The following TSPEAR variants were observed in gnomAD, a reference collection of about 807,000 sequenced individuals.
TSPEAR encodes the protein thrombospondin-type laminin G domain and EAR repeat-containing protein.
Under a neutral mutation model 71.6 loss-of-function variants are expected in TSPEAR, and 69 were observed. That is an observed-to-expected ratio of 0.96 (90% confidence interval 0.79 to 1.18). The LOEUF (loss-of-function observed/expected upper bound fraction) is 1.18, where lower values mean the gene tolerates loss of function less well. TSPEAR is among the 50% of genes most tolerant of loss of function. The pLI, the probability that TSPEAR is intolerant of heterozygous loss-of-function variation, is 0.00. For synonymous variants in TSPEAR, 402 were observed against 387.2 expected (o/e 1.04, Z -0.45); for missense variants, 971 against 894.9 (o/e 1.09, Z -1.09).
At chr21:44,527,938 C>G (rs11910822) in intron 6 of TSPEAR, among the ~76,000 whole-genome samples, 6,238 of 152,218 alleles carry the variant, frequency 0.041, 442 homozygotes, top group African/African-American at 0.14. Flanking sequence ...GCTGAGAAGG[C>G]TCTCTGTAAA....
intron 2 of TSPEAR, chr21:44,539,538 C>G (rs200992131): frequency 1.9e-6 from 3 of 1,612,712 alleles, no homozygotes; most frequent in Non-Finnish European, 2.5e-6. Flanking sequence ...GTGGAAGCCC[C>G]AGAGCAGACG....
chr21:44,598,777 G>A (rs1384539368), intron 1 of TSPEAR, among the ~76,000 whole-genome samples: 2 of 152,030 alleles, frequency 1.3e-5, no homozygotes, highest in African/African-American at 4.8e-5. Context: ...AGATCCTCCT[G>A]GTTCCTTCCT....
intron 1 of TSPEAR, among the ~76,000 whole-genome samples, chr21:44,634,916 G>C (rs1555936351): frequency 6.6e-6 from 1 of 152,154 alleles, no homozygotes; most frequent in African/African-American, 2.4e-5. Flanking sequence ...ATATAAAATG[G>C]TACAGATGCT....
intron 1 of TSPEAR, among the ~76,000 whole-genome samples, chr21:44,620,509 A>C (rs1466983181): frequency 1.3e-5 from 2 of 152,258 alleles, no homozygotes; most frequent in Non-Finnish European, 2.9e-5. Context: ...ACGTAAGGTC[A>C]GTAGTGATGT....
intron 2 of TSPEAR, among the ~76,000 whole-genome samples, chr21:44,535,055 G>A (rs2053064483): frequency 1.3e-5 from 2 of 152,122 alleles, no homozygotes; most frequent in African/African-American, 4.8e-5. Flanking sequence ...AGGTAGAATG[G>A]TAGGTGCCGG....
At chr21:44,558,563 G>C in intron 2 of TSPEAR, 1 of 1,613,224 alleles carries the variant, frequency 6.2e-7, no homozygotes, top group Non-Finnish European at 8.5e-7. Context: ...TGGACACACA[G>C]CTCACTGGGG....
intron 1 of TSPEAR, among the ~76,000 whole-genome samples, chr21:44,639,180 C>A (rs1453738786): frequency 2.0e-5 from 3 of 152,142 alleles, no homozygotes; most frequent in Non-Finnish European, 2.9e-5. Context: ...GGACTCTGAC[C>A]CCGAGGACCC....
At chr21:44,533,075 T>C (rs2053005426) in intron 3 of TSPEAR, among the ~76,000 whole-genome samples, 1 of 152,132 alleles carries the variant, frequency 6.6e-6, no homozygotes, top group Non-Finnish European at 1.5e-5. Flanking sequence ...GGAAAAGGAG[T>C]GCGCTTGGTG....
chr21:44,627,221 G>A (rs1982861615), intron 1 of TSPEAR: 1 of 1,612,730 alleles, frequency 6.2e-7, no homozygotes, highest in Non-Finnish European at 8.5e-7. Flanking sequence ...TCCGACTCCT[G>A]GCAGGTGGAC....
At chr21:44,591,806 C>T (rs58757665) in intron 1 of TSPEAR, 67,516 of 1,605,152 alleles carry the variant, frequency 0.042, 3,196 homozygotes, top group African/African-American at 0.19. Flanking sequence ...ACGCAGCAGG[C>T]CTGCTGGCAG....
chr21:44,614,764 G>A (rs1981962165), intron 1 of TSPEAR, among the ~76,000 whole-genome samples: 1 of 152,298 alleles, frequency 6.6e-6, no homozygotes. Flanking sequence ...GCCACAAGAC[G>A]ACAGCAGAAA....
At position 44,612,924 on chromosome 21, in the gene TSPEAR, C is replaced by T; in HGVS notation, c.83-44919G>A. On this transcript the variant is annotated intron_variant, in intron 1 of 11. Transcript: ENST00000323084. This position sits in a 1 kb window ranked among gnomAD's most constrained non-coding sequence, Gnocchi z 4.1. ...GAGTCCAGCTGCTGATGGGCACGTC[C>T]CCCAGGGCCAGCCGGCTCCGGTCCT... The T allele has an allele frequency of 1.2e-6, 2 of 1,601,096 alleles. No individual in the cohort carries two copies. The highest frequency in any genetic ancestry group is 1.7e-6 in the Non-Finnish European group (2 of 1,175,588).
chr21:44,573,528 G>C (rs1978292639), intron 1 of TSPEAR, among the ~76,000 whole-genome samples: 1 of 152,172 alleles, frequency 6.6e-6, no homozygotes, highest in Admixed American at 6.5e-5. Context: ...CCAATTCCAA[G>C]TTTTGTAAAC....
At chr21:44,634,945 C>T (rs782015771) in intron 1 of TSPEAR, among the ~76,000 whole-genome samples, 32 of 152,138 alleles carry the variant, frequency 2.1e-4, no homozygotes, top group Non-Finnish European at 3.7e-4. Flanking sequence ...CAGTCTGGCA[C>T]GTCCTCAAAA....
intron 9 of TSPEAR, among the ~76,000 whole-genome samples, chr21:44,518,068 GTCT>G (rs1601348836): frequency 6.6e-6 from 1 of 152,154 alleles, no homozygotes; most frequent in Non-Finnish European, 1.5e-5. Context: ...GTTAATGAAT[GTCT>G]TCTTTTAATG....
intron 1 of TSPEAR, among the ~76,000 whole-genome samples, chr21:44,678,669 A>G (rs1436942952): frequency 6.6e-6 from 1 of 152,246 alleles, no homozygotes; most frequent in African/African-American, 2.4e-5. Flanking sequence ...CCCAATTGGA[A>G]GAGAGGAAGT....
intron 1 of TSPEAR, among the ~76,000 whole-genome samples, chr21:44,595,776 A>G (rs999632789): frequency 1.7e-4 from 26 of 152,374 alleles, no homozygotes; most frequent in African/African-American, 6.3e-4. Context: ...ATACACATAC[A>G]TACATATAAT....
chr21:44,564,194 G>C (rs1472635800), intron 2 of TSPEAR, among the ~76,000 whole-genome samples: 1 of 152,138 alleles, frequency 6.6e-6, no homozygotes, highest in African/African-American at 2.4e-5. Flanking sequence ...GACCACAAAA[G>C]TGCCACCAGT....
intron 1 of TSPEAR, chr21:44,580,137 C>T: frequency 6.2e-7 from 1 of 1,612,688 alleles, no homozygotes; most frequent in Non-Finnish European, 8.5e-7. Context: ...GAAGAGGAAT[C>T]CTCAGAACAG....
Sources: gnomAD v4.1 joint callset for allele counts (sites outside exome capture counted in the v4.1 genomes callset) on GRCh38, gnomAD v4.1.1 for gene constraint, Gnocchi (gnomAD v3.1) non-coding constraint, MANE v1.5 for transcripts, NCBI Gene and HGNC (gene_info 2026-07-23, HGNC 2026-07-21) for gene names.